The following TMCC1 variants were observed in gnomAD, a reference collection of about 807,000 sequenced individuals.
The protein encoded by TMCC1 is transmembrane and coiled-coil domains protein 1.
Under a neutral mutation model 52.4 loss-of-function variants are expected in TMCC1, and 15 were observed. The ratio of observed to expected loss-of-function variants is 0.29; its 90% CI spans 0.19 to 0.44. TMCC1 has a LOEUF of 0.44. Ranked by LOEUF, TMCC1 falls within the 20% of genes least tolerant of loss-of-function variation. TMCC1 has a pLI of 1.00. For synonymous variants in TMCC1, 279 were observed against 301.9 expected (o/e 0.92, Z 0.79); for missense variants, 503 against 806.0 (o/e 0.62, Z 4.55).
At chr3:129,875,216 C>T (rs2061136374) in intron 2 of TMCC1, among the ~76,000 whole-genome samples, 2 of 151,266 alleles carry the variant, frequency 1.3e-5, no homozygotes, top group African/African-American at 2.4e-5. Context: ...TGGCCAGGTG[C>T]GGTGGCTCAC....
intron 4 of TMCC1, among the ~76,000 whole-genome samples, chr3:129,751,908 G>C (rs1377485349): frequency 6.6e-6 from 1 of 152,098 alleles, no homozygotes; most frequent in Non-Finnish European, 1.5e-5. Flanking sequence ...TTATCTGTAG[G>C]ACTTCAAGCT....
At chr3:129,667,574 T>C (rs2087570218) in intron 5 of TMCC1, among the ~76,000 whole-genome samples, 2 of 152,148 alleles carry the variant, frequency 1.3e-5, no homozygotes. Flanking sequence ...AAATTCAAGT[T>C]TTCTTCGTTC....
chr3:129,874,331 A>G (rs1240716023), intron 2 of TMCC1, among the ~76,000 whole-genome samples: 1 of 152,230 alleles, frequency 6.6e-6, no homozygotes, highest in Non-Finnish European at 1.5e-5. Context: ...CTTGCCTATA[A>G]TAGATTCTCA....
chr3:129,778,295 A>G (rs977218269), intron 4 of TMCC1, among the ~76,000 whole-genome samples: 2 of 152,242 alleles, frequency 1.3e-5, no homozygotes, highest in African/African-American at 4.8e-5. Context: ...GCAATAAAAA[A>G]CAATTTAGGC....
At chr3:129,824,447 C>T (rs1312633533) in intron 4 of TMCC1, among the ~76,000 whole-genome samples, 1 of 152,168 alleles carries the variant, frequency 6.6e-6, no homozygotes, top group African/African-American at 2.4e-5. Context: ...CTTATCTGTA[C>T]CTTCACTTCT....
At chr3:129,682,612 T>C (rs2089088969) in intron 4 of TMCC1, among the ~76,000 whole-genome samples, 1 of 152,144 alleles carries the variant, frequency 6.6e-6, no homozygotes, top group African/African-American at 2.4e-5. Flanking sequence ...CATAGATGAC[T>C]CTCTCTGTCT....
At chr3:129,711,718 C>T (rs1299468719) in intron 4 of TMCC1, among the ~76,000 whole-genome samples, 6 of 149,252 alleles carry the variant, frequency 4.0e-5, no homozygotes, top group South Asian at 2.1e-4. Flanking sequence ...AGGCCAGGTG[C>T]GGTGGCTCAC....
At chr3:129,663,565 T>C (rs887463629) in intron 5 of TMCC1, among the ~76,000 whole-genome samples, 1 of 151,902 alleles carries the variant, frequency 6.6e-6, no homozygotes, top group Non-Finnish European at 1.5e-5. Context: ...TGTTGAAGCC[T>C]GAAAAGAAGC....
chr3:129,663,272 T>C (rs1015013511), intron 5 of TMCC1, among the ~76,000 whole-genome samples: 6 of 152,104 alleles, frequency 3.9e-5, no homozygotes, highest in African/African-American at 1.2e-4. Flanking sequence ...AGTTCGGCAA[T>C]AGGTCACTAG....
intron 4 of TMCC1, among the ~76,000 whole-genome samples, chr3:129,799,592 C>T (rs1380068966): frequency 2.6e-5 from 4 of 152,080 alleles, no homozygotes; most frequent in African/African-American, 9.7e-5. Context: ...GGGTGGATCA[C>T]GAGATCAGGA....
At chr3:129,839,869 A>G (rs904779664) in intron 2 of TMCC1, among the ~76,000 whole-genome samples, 2 of 152,016 alleles carry the variant, frequency 1.3e-5, no homozygotes, top group South Asian at 4.1e-4. Context: ...TGGGTGAGAG[A>G]GAGACCTTGT....
At chr3:129,773,072 T>C (rs1020930865) in intron 4 of TMCC1, among the ~76,000 whole-genome samples, 2 of 152,146 alleles carry the variant, frequency 1.3e-5, no homozygotes, top group Non-Finnish European at 2.9e-5. Flanking sequence ...GCCTATTCAC[T>C]GTAATAGTAT....
chr3:129,809,483 A>T (rs1382026831), intron 4 of TMCC1, among the ~76,000 whole-genome samples: 1 of 152,198 alleles, frequency 6.6e-6, no homozygotes, highest in Non-Finnish European at 1.5e-5. Context: ...TTGTTCCTGT[A>T]GCTTACTGTT....
chr3:129,665,679 G>A (rs2087393219), intron 5 of TMCC1, among the ~76,000 whole-genome samples: 1 of 151,976 alleles, frequency 6.6e-6, no homozygotes, highest in African/African-American at 2.4e-5. Context: ...TATAGATTTC[G>A]GGATTGAGCT....
At chr3:129,870,839 T>C (rs182819313) in intron 2 of TMCC1, among the ~76,000 whole-genome samples, 1 of 151,060 alleles carries the variant, frequency 6.6e-6, no homozygotes, top group Non-Finnish European at 1.5e-5. Context: ...AAATTTAGAT[T>C]ATCCCTGTCC....
At chr3:129,753,385 G>A (rs965202322) in intron 4 of TMCC1, among the ~76,000 whole-genome samples, 15 of 152,120 alleles carry the variant, frequency 9.9e-5, no homozygotes, top group African/African-American at 2.2e-4. Context: ...ACTCGACATC[G>A]TAATATTCAG....
chr3:129,864,902 T>A (rs1352617639), intron 2 of TMCC1, among the ~76,000 whole-genome samples: 2 of 152,234 alleles, frequency 1.3e-5, no homozygotes, highest in Non-Finnish European at 2.9e-5. Context: ...TTTTAAAGAA[T>A]ATGTTTGGCA....
At chr3:129,741,324 C>A (rs1020572820) in intron 4 of TMCC1, among the ~76,000 whole-genome samples, 2 of 152,118 alleles carry the variant, frequency 1.3e-5, no homozygotes, top group African/African-American at 4.8e-5. Flanking sequence ...TTCCAAATTT[C>A]AAATATAATA....
chr3:129,671,287 A>G (rs1185942810), intron 4 of TMCC1, 23 bp from the exon 5 acceptor site: 1 of 1,581,070 alleles, frequency 6.3e-7, no homozygotes, highest in East Asian at 2.2e-5. Flanking sequence ...CAAGAGGTAC[A>G]TGTTAGAAGC....
Sources: allele counts gnomAD v4.1 joint callset (sites outside exome capture counted in the v4.1 genomes callset), GRCh38; gene constraint gnomAD v4.1.1; transcripts MANE v1.5; gene names NCBI Gene and HGNC (gene_info 2026-07-23, HGNC 2026-07-21).